The following RAPGEF1 variants were observed in gnomAD, a reference collection of about 807,000 sequenced individuals.
RAPGEF1 encodes CRK SH3-binding GNRP.
In RAPGEF1, 33 loss-of-function variants were observed where a neutral mutation model predicts 143.3. The ratio of observed to expected loss-of-function variants is 0.23; its 90% CI spans 0.17 to 0.31. The LOEUF is 0.31. RAPGEF1 is among the 10% of genes least tolerant of loss of function. The pLI, the probability that RAPGEF1 is intolerant of heterozygous loss-of-function variation, is 1.00. For synonymous variants in RAPGEF1, 629 were observed against 676.5 expected, an observed-to-expected ratio of 0.93 and a Z score of 1.09; for missense variants, 1,199 against 1,645.4, an observed-to-expected ratio of 0.73 and a Z score of 4.69.
intron 10 of RAPGEF1, 109 bp from the exon 11 acceptor site, chr9:131,622,107 C>G: frequency 1.9e-6 from 2 of 1,051,494 alleles, no homozygotes; most frequent in Non-Finnish European, 2.8e-6. Flanking sequence ...GAAAGCACCT[C>G]AGAGAGGGAC....
chr9:131,624,714 AG>A (rs1962406536), intron 10 of RAPGEF1, among the ~76,000 whole-genome samples: 1 of 152,298 alleles, frequency 6.6e-6, no homozygotes, highest in African/African-American at 2.4e-5. Flanking sequence ...ATGCAGAGGG[AG>A]GGGAAGAGAA....
chr9:131,592,262 T>C, intron 17 of RAPGEF1, 79 bp from the exon 18 acceptor site: 1 of 1,177,498 alleles, frequency 8.5e-7, no homozygotes, highest in Non-Finnish European at 1.3e-6. Context: ...ATTTGAGTCC[T>C]TGCTCTGAGA....
intron 1 of RAPGEF1, among the ~76,000 whole-genome samples, chr9:131,654,139 G>A (rs1419540034): frequency 6.6e-6 from 1 of 152,138 alleles, no homozygotes; most frequent in Non-Finnish European, 1.5e-5. Flanking sequence ...GAGATGGAGA[G>A]GGGCTGCTAT....
chr9:131,629,341 AG>A, intron 6 of RAPGEF1, 87 bp from the exon 7 acceptor site: 6 of 1,358,730 alleles, frequency 4.4e-6, no homozygotes, highest in South Asian at 3.9e-5. Flanking sequence ...GGACGTGACC[AG>A]GAAGAACACA....
chr9:131,683,358 T>C (rs546595130), intron 1 of RAPGEF1, among the ~76,000 whole-genome samples: 7 of 152,326 alleles, frequency 4.6e-5, no homozygotes, highest in African/African-American at 1.2e-4. Flanking sequence ...AATGGGCACA[T>C]ACTTCCTCCA....
chr9:131,737,007 T>A (rs1009499292), intron 1 of RAPGEF1, among the ~76,000 whole-genome samples: 8 of 152,130 alleles, frequency 5.3e-5, no homozygotes, highest in Non-Finnish European at 1.2e-4. Flanking sequence ...TCACTGAGAA[T>A]AGCCAGCAGA....
intron 1 of RAPGEF1, among the ~76,000 whole-genome samples, chr9:131,690,883 T>C (rs1205529765): frequency 6.6e-6 from 1 of 152,244 alleles, no homozygotes; most frequent in Non-Finnish European, 1.5e-5. Context: ...TTAAGTCTTG[T>C]TATCTACAGT....
At chr9:131,648,164 C>G (rs1970160287) in intron 3 of RAPGEF1, among the ~76,000 whole-genome samples, 1 of 152,112 alleles carries the variant, frequency 6.6e-6, no homozygotes, top group African/African-American at 2.4e-5. Flanking sequence ...ATGAGGCGGG[C>G]AGATCACTTG....
At chr9:131,601,562 A>G (rs921708335) in intron 15 of RAPGEF1, among the ~76,000 whole-genome samples, 3 of 152,200 alleles carry the variant, frequency 2.0e-5, no homozygotes, top group Admixed American at 2.0e-4. Flanking sequence ...GCAGTTTTCT[A>G]TGCTTTTCAA....
intron 25 of RAPGEF1, 149 bp downstream of exon 25, chr9:131,582,456 A>T (rs1952018461): frequency 2.0e-6 from 1 of 509,294 alleles, no homozygotes. Flanking sequence ...TTATAACTGT[A>T]TTACAAGAAC....
intron 1 of RAPGEF1, among the ~76,000 whole-genome samples, chr9:131,725,837 C>A (rs1389049442): frequency 5.3e-5 from 8 of 149,652 alleles, no homozygotes; most frequent in South Asian, 2.1e-4. Context: ...CGGCTCACTG[C>A]AAGCTCCACC....
intron 1 of RAPGEF1, among the ~76,000 whole-genome samples, chr9:131,703,646 G>T (rs993552808): frequency 2.0e-5 from 3 of 152,154 alleles, no homozygotes; most frequent in Non-Finnish European, 4.4e-5. Context: ...TGGCACCTGG[G>T]CTCCAGAGTT....
At chr9:131,581,230 C>T (rs969586117) in intron 25 of RAPGEF1, among the ~76,000 whole-genome samples, 18 of 151,338 alleles carry the variant, frequency 1.2e-4, no homozygotes, top group African/African-American at 4.4e-4. Flanking sequence ...CTCGTCCCTA[C>T]AAAAAATACA....
intron 15 of RAPGEF1, among the ~76,000 whole-genome samples, chr9:131,601,415 T>G (rs1322746553): frequency 6.6e-6 from 1 of 152,142 alleles, no homozygotes; most frequent in East Asian, 1.9e-4. Flanking sequence ...GGCCTGGGAT[T>G]TGAAAAAGAA....
intron 1 of RAPGEF1, among the ~76,000 whole-genome samples, chr9:131,737,826 G>A (rs530426601): frequency 1.6e-3 from 236 of 152,224 alleles, no homozygotes; most frequent in African/African-American, 5.1e-3. Flanking sequence ...TTTGCCAGGC[G>A]TGGTGGCAGG....
chr9:131,605,461 C>T (rs1034347418), intron 12 of RAPGEF1, among the ~76,000 whole-genome samples: 3 of 152,180 alleles, frequency 2.0e-5, no homozygotes, highest in African/African-American at 7.2e-5. Context: ...GCTCAAGTGG[C>T]CACATGCTCT....
At chr9:131,596,963 C>G (rs1199867427) in intron 16 of RAPGEF1, among the ~76,000 whole-genome samples, 1 of 152,236 alleles carries the variant, frequency 6.6e-6, no homozygotes, top group Non-Finnish European at 1.5e-5. Flanking sequence ...TCAATGACTT[C>G]TGACGCTGCA....
At chr9:131,678,476 A>T (rs1313837830) in intron 1 of RAPGEF1, among the ~76,000 whole-genome samples, 1 of 152,260 alleles carries the variant, frequency 6.6e-6, no homozygotes, top group South Asian at 2.1e-4. Flanking sequence ...ACTTTATATC[A>T]ATACACATTT....
chr9:131,589,479 A>G (rs968235033), intron 19 of RAPGEF1, among the ~76,000 whole-genome samples: 5 of 152,252 alleles, frequency 3.3e-5, no homozygotes, highest in Admixed American at 6.5e-5. Context: ...CGGAACGGAT[A>G]TGGCCAAGTG....
Sources: gnomAD v4.1 joint callset for allele counts (sites outside exome capture counted in the v4.1 genomes callset) on GRCh38, gnomAD v4.1.1 for gene constraint, MANE v1.5 for transcripts, NCBI Gene and HGNC (gene_info 2026-07-23, HGNC 2026-07-21) for gene names.